NFATC1: variants seen among roughly 807,000 people sequenced by gnomAD.
NFATC1 encodes the protein nuclear factor of activated T-cells, cytoplasmic 1.
A neutral mutation model predicts 76.0 loss-of-function variants in NFATC1; 22 were observed. That is an observed-to-expected ratio of 0.29 (90% CI 0.21 to 0.41). The LOEUF is 0.41. Ranked by LOEUF, NFATC1 falls within the 10% of genes least tolerant of loss-of-function variation. The pLI is 1.00. For missense variants in NFATC1, 1,357 were observed against 1,337.7 expected, an observed-to-expected ratio of 1.01 and a Z score of -0.23; for synonymous variants, 704 against 613.1, an observed-to-expected ratio of 1.15 and a Z score of -2.19.
At chr18:79,453,167 C>T (rs753888654) in intron 6 of NFATC1, among the ~76,000 whole-genome samples, 12 of 152,238 alleles carry the variant, frequency 7.9e-5, no homozygotes, top group Non-Finnish European at 1.5e-4. Context: ...TGTGTGTCCA[C>T]GCGTTGGCGG....
chr18:79,422,236 C>T (rs1429035548), intron 2 of NFATC1: 1 of 152,258 alleles, frequency 6.6e-6, no homozygotes, highest in Non-Finnish European at 1.5e-5. Context: ...CCCCACCCCA[C>T]ATTAACTTGT....
intron 9 of NFATC1, among the ~76,000 whole-genome samples, chr18:79,500,697 A>G (rs2089994338): frequency 6.6e-6 from 1 of 152,180 alleles, no homozygotes; most frequent in Admixed American, 6.5e-5. Context: ...GCAAAAATCA[A>G]AAGGTTATAA....
chr18:79,433,711 G>C lies in NFATC1; in HGVS notation c.1359G>C (p.Ala453=). ...AGGGCAGCCGGGGGGCCGTGAAGGCGTCGGCCGGAGGACACCCCATCGTGC... is the reference window on the plus strand; with the variant it reads ...AGGGCAGCCGGGGGGCCGTGAAGGCCTCGGCCGGAGGACACCCCATCGTGC... The part of the protein sequence containing the change: ...ETEGSRGAVK[A]SAGGHPIVQL... The change falls in exon 3 of 10, where the codon GCG becomes GCC. Residue 453 remains alanine (A), a synonymous_variant. Transcript: ENST00000427363. The C allele has an allele frequency of 6.2e-7, 1 of 1,612,978 alleles. No homozygotes were observed. Among genetic ancestry groups the C allele is most frequent in the East Asian group, 2.2e-5 (1 of 44,858 alleles).
intron 9 of NFATC1, among the ~76,000 whole-genome samples, chr18:79,504,683 T>G (rs539437675): frequency 6.6e-6 from 1 of 152,386 alleles, no homozygotes; most frequent in East Asian, 1.9e-4. Flanking sequence ...ACCTCCCCTT[T>G]GTGAAAAGCA....
At chr18:79,496,794 G>A (rs939704258) in intron 9 of NFATC1, 2 of 152,240 alleles carry the variant, frequency 1.3e-5, no homozygotes, top group Admixed American at 6.5e-5. Context: ...GTGACCTTTT[G>A]TACATTTTCT....
intron 3 of NFATC1, among the ~76,000 whole-genome samples, chr18:79,434,387 G>T (rs1022054316): frequency 6.6e-6 from 1 of 152,266 alleles, no homozygotes; most frequent in South Asian, 2.1e-4. Flanking sequence ...GTCGAGGGAG[G>T]GGTGTAATGA....
chr18:79,501,324 C>T (rs2090008552), intron 9 of NFATC1, among the ~76,000 whole-genome samples: 2 of 152,188 alleles, frequency 1.3e-5, no homozygotes, highest in South Asian at 4.1e-4. Flanking sequence ...CACAAGGGAA[C>T]TTCTTAACCT....
chr18:79,492,763 A>G (rs1253980112), intron 9 of NFATC1, among the ~76,000 whole-genome samples: 1 of 149,956 alleles, frequency 6.7e-6, no homozygotes, highest in Non-Finnish European at 1.5e-5. Context: ...AATCCCAGCT[A>G]CTTGGAAGGC....
rs1181318279 is a variant in NFATC1, at chr18:79,492,883, AAAG to A, written c.2782+5949_2782+5951del. ...AGCGAGACTCCATCTCAAAAAAAAA[AAAG>A]AAAAATGAATCCAGCTTTTTTTTTT... On this transcript the variant is annotated intron_variant, in intron 9 of 9. Coordinates refer to ENST00000427363, the MANE Select transcript of NFATC1 (RefSeq NM_001278669.2). Among the ~76,000 whole-genome samples, 27 of 150,628 alleles carry A rather than the reference AAAG, an allele frequency of 1.8e-4. No homozygotes were observed. In the East Asian group the frequency reaches 4.3e-3, roughly 24 times the overall value.
intron 1 of NFATC1, among the ~76,000 whole-genome samples, chr18:79,405,886 C>T (rs1353680413): frequency 6.6e-6 from 1 of 152,234 alleles, no homozygotes; most frequent in African/African-American, 2.4e-5. Flanking sequence ...GCACTTCCTG[C>T]TCTCGCTGTG....
At position 79,465,640 on chromosome 18, in the gene NFATC1, T is replaced by C. The variant is rs1006781040; in HGVS notation, c.1960-1810T>C. ...GCCTCCCGGCCCGTTACTATTTCAGTCTCGGCTTCCATGAGACGTTTCCTT... is the reference window on the plus strand; with the variant it reads ...GCCTCCCGGCCCGTTACTATTTCAGCCTCGGCTTCCATGAGACGTTTCCTT... On this transcript the variant is annotated intron_variant, in intron 7 of 9. Coordinates refer to ENST00000427363, the MANE Select transcript of NFATC1 (RefSeq NM_001278669.2). The surrounding 1 kb of genome is among the most constrained non-coding windows in gnomAD (Gnocchi z 4.2). 2.0e-5 allele frequency among the ~76,000 whole-genome samples: 3 copies of C among 152,242 alleles called. No individual in the cohort carries two copies. The highest frequency in any genetic ancestry group is 7.2e-5 in the African/African-American group (3 of 41,466).
intron 9 of NFATC1, among the ~76,000 whole-genome samples, chr18:79,511,205 C>T (rs1466719536): frequency 1.3e-5 from 2 of 152,222 alleles, no homozygotes; most frequent in South Asian, 2.1e-4. Flanking sequence ...ATAGCCTCCA[C>T]AAGATTAATA....
intron 9 of NFATC1, among the ~76,000 whole-genome samples, chr18:79,520,647 T>TG (rs1569052545): frequency 3.2e-5 from 1 of 30,976 alleles, no homozygotes; most frequent in Non-Finnish European, 5.4e-5. Context: ...TGTCTGTGTG[T>TG]CGGGGGGGGC....
At chr18:79,508,869 CCTCTCTGT>C (rs2090179940) in intron 9 of NFATC1, among the ~76,000 whole-genome samples, 1 of 151,738 alleles carries the variant, frequency 6.6e-6, no homozygotes. Context: ...TCTGTCTCTG[CCTCTCTGT>C]CTCTCTCTCC....
chr18:79,424,204 C>T (rs2086199188), intron 2 of NFATC1, among the ~76,000 whole-genome samples: 1 of 152,232 alleles, frequency 6.6e-6, no homozygotes, highest in Non-Finnish European at 1.5e-5. Flanking sequence ...ACAGATGCCG[C>T]CGCACTATCA....
intron 2 of NFATC1, among the ~76,000 whole-genome samples, chr18:79,430,019 C>T (rs1006296255): frequency 2.0e-5 from 3 of 152,332 alleles, no homozygotes; most frequent in South Asian, 2.1e-4. Context: ...GCCGTGCAGA[C>T]GTGTACTGGG....
chr18:79,464,640 A>G (rs2088339568), intron 7 of NFATC1, among the ~76,000 whole-genome samples: 1 of 133,612 alleles, frequency 7.5e-6, no homozygotes, highest in Non-Finnish European at 1.6e-5. Flanking sequence ...TATTGTGGAT[A>G]TATGTGTTTG....
At chr18:79,427,299 C>T (rs2086375924) in intron 2 of NFATC1, among the ~76,000 whole-genome samples, 1 of 152,114 alleles carries the variant, frequency 6.6e-6, no homozygotes, top group African/African-American at 2.4e-5. Flanking sequence ...CCAGTATATG[C>T]CCAATTTGCC....
At chr18:79,450,717 CG>C (rs1158468057) in intron 4 of NFATC1, among the ~76,000 whole-genome samples, 1 of 152,138 alleles carries the variant, frequency 6.6e-6, no homozygotes, top group Non-Finnish European at 1.5e-5. Context: ...TGGCTTTTCT[CG>C]GGGCTGCCTC....
Sources: allele counts gnomAD v4.1 joint callset (sites outside exome capture counted in the v4.1 genomes callset), GRCh38; gene constraint gnomAD v4.1.1; non-coding constraint Gnocchi (gnomAD v3.1); transcripts MANE v1.5; gene names NCBI Gene and HGNC (gene_info 2026-07-23, HGNC 2026-07-21).